P2RY14: variants seen among roughly 807,000 people sequenced by gnomAD.
P2RY14 encodes P2Y purinoceptor 14.
A neutral mutation model predicts 0.9 loss-of-function variants in P2RY14; 2 were observed. That is an observed-to-expected ratio of 2.16 (90% CI 0.88 to 6.79). The LOEUF is 6.79. Ranked by LOEUF, P2RY14 falls within the 30% of genes most tolerant of loss-of-function variation. The pLI is 0.05. For missense variants in P2RY14, 378 were observed against 400.1 expected, an observed-to-expected ratio of 0.94 and a Z score of 0.47; for synonymous variants, 158 against 147.2, an observed-to-expected ratio of 1.07 and a Z score of -0.53.
intron 1 of P2RY14, among the ~76,000 whole-genome samples, chr3:151,236,508 G>A (rs1732840824): frequency 6.6e-6 from 1 of 152,150 alleles, no homozygotes; most frequent in Non-Finnish European, 1.5e-5. Flanking sequence ...CAAAACGAAA[G>A]CCAAGACCTT....
In P2RY14 at chr3:151,227,567, T is replaced by C. The variant is rs1730788978; in HGVS notation, c.-132-7925A>G. ...ATTGGCATGTCTAAGAACTCCAGCCTGTCTTCACTTTGTGATTATGCAAAT... is the reference window on the plus strand; with the variant it reads ...ATTGGCATGTCTAAGAACTCCAGCCCGTCTTCACTTTGTGATTATGCAAAT... On this transcript the variant is annotated intron_variant, in intron 1 of 2. Transcript: ENST00000309170. Among the ~76,000 whole-genome samples, 3 of 152,242 alleles carry C rather than the reference T, an allele frequency of 2.0e-5. No individual in the cohort carries two copies. The South Asian group carries it at 6.2e-4, about 32-fold the overall frequency.
intron 1 of P2RY14, among the ~76,000 whole-genome samples, chr3:151,239,809 C>T (rs2149372704): frequency 6.6e-6 from 1 of 152,134 alleles, no homozygotes; most frequent in African/African-American, 2.4e-5. Flanking sequence ...AGCTCTTAAG[C>T]TATTAAATAT....
intron 1 of P2RY14, among the ~76,000 whole-genome samples, chr3:151,270,784 T>G (rs906898220): frequency 6.6e-6 from 1 of 152,136 alleles, no homozygotes; most frequent in Non-Finnish European, 1.5e-5. Flanking sequence ...ATGACACATT[T>G]AAAATAAGTT....
chr3:151,213,418 T>A lies in P2RY14; in HGVS notation c.899A>T (p.Gln300Leu). ...LDPIIYFFLC[Q>L]PFREILCKKL... ...CTTACATAAGATTTCCCTAAACGGC[T>A]GGCATAGAAAGAAATAAATAATAGG... The change falls in exon 3 of 3, where the codon CAG (glutamine) becomes CTG (leucine). Residue 300 changes from glutamine to leucine, a missense_variant. Transcript: ENST00000309170. 6.2e-7 allele frequency: 1 copy of A among 1,614,156 alleles called. No homozygotes were observed. Among genetic ancestry groups the A allele is most frequent in the Non-Finnish European group, 8.5e-7 (1 of 1,179,986 alleles).
At chr3:151,225,991 G>T (rs1730418077) in intron 1 of P2RY14, among the ~76,000 whole-genome samples, 1 of 152,050 alleles carries the variant, frequency 6.6e-6, no homozygotes, top group Non-Finnish European at 1.5e-5. Context: ...AAGGCCTTTT[G>T]TTCATTTGCT....
rs141102863 is a variant in P2RY14 at position 151,214,379 on chromosome 3, A to G, written c.-24-39T>C. On this transcript the variant is annotated intron_variant, in intron 2 of 2. Coordinates refer to ENST00000309170, the MANE Select transcript of P2RY14 (RefSeq NM_014879.4). ...TGAACTGGTCACTCATAGGGCACTT[A>G]TGGCCTCCAAGACATTTGCTGAGTA... is the stretch of plus-strand genomic sequence containing the variant. The G allele has an allele frequency of 8.8e-5, 120 of 1,364,658 alleles. No homozygotes were observed. In the East Asian group the frequency reaches 2.7e-3, roughly 31 times the overall value. 84.5% of individuals were successfully genotyped at this position (1,364,658 alleles called of 1,614,324 possible). A position where few individuals can be genotyped will look rare whatever the true frequency, so the allele number is the denominator to read the frequency against.
intron 1 of P2RY14, among the ~76,000 whole-genome samples, chr3:151,246,957 A>G (rs941552134): frequency 5.3e-5 from 8 of 152,236 alleles, no homozygotes; most frequent in African/African-American, 1.9e-4. Flanking sequence ...AAAGTGGGCA[A>G]AGGACACGAA....
rs76047269 is a variant in P2RY14 at position 151,250,225 on chromosome 3, A to G, written c.-133+28062T>C. Among the ~76,000 whole-genome samples the G allele has an allele frequency of 7.0e-3, 1,070 of 152,136 alleles. 3 individuals carry two copies. Among genetic ancestry groups the G allele is most frequent in the South Asian group, 0.02 (96 of 4,832 alleles). On this transcript the variant is annotated intron_variant, in intron 1 of 2. Coordinates refer to ENST00000309170, the MANE Select transcript of P2RY14 (RefSeq NM_014879.4). ...TCCTCATTGCACATTCCTCAATCCA[A>G]TTGACATTTTGAAAGATTTTTTTTG...
intron 1 of P2RY14, among the ~76,000 whole-genome samples, chr3:151,233,500 G>A (rs928045135): frequency 1.3e-5 from 2 of 152,216 alleles, no homozygotes; most frequent in Admixed American, 6.5e-5. Flanking sequence ...TTGGGAGGCC[G>A]AGGCTGGCGG....
chr3:151,265,617 A>G (rs1260141813), intron 1 of P2RY14, among the ~76,000 whole-genome samples: 2 of 152,170 alleles, frequency 1.3e-5, no homozygotes, highest in African/African-American at 2.4e-5. Flanking sequence ...CAGGCTCATC[A>G]TAAGAATATT....
At chr3:151,276,921 G>A (rs1741963240) in intron 1 of P2RY14, among the ~76,000 whole-genome samples, 1 of 152,090 alleles carries the variant, frequency 6.6e-6, no homozygotes, top group Non-Finnish European at 1.5e-5. Flanking sequence ...TTTTGAGACA[G>A]GGTCTCACTC....
intron 1 of P2RY14, among the ~76,000 whole-genome samples, chr3:151,264,474 C>G (rs1188868924): frequency 6.6e-6 from 1 of 152,200 alleles, no homozygotes; most frequent in Admixed American, 6.5e-5. Context: ...AAATTCAAAC[C>G]TGAGCTTATT....
At chr3:151,241,044 G>T (rs139131480) in intron 1 of P2RY14, among the ~76,000 whole-genome samples, 28 of 152,000 alleles carry the variant, frequency 1.8e-4, no homozygotes, top group Non-Finnish European at 2.1e-4. Flanking sequence ...CTGTGTAAAG[G>T]CTTTAAAAAC....
intron 1 of P2RY14, among the ~76,000 whole-genome samples, chr3:151,250,111 G>A (rs1208337541): frequency 6.6e-6 from 1 of 152,104 alleles, no homozygotes; most frequent in South Asian, 2.1e-4. Context: ...GAAATGGTCT[G>A]CGTTTGCTGT....
At chr3:151,230,149 C>T (rs7620767) in intron 1 of P2RY14, among the ~76,000 whole-genome samples, 41,702 of 151,862 alleles carry the variant, frequency 0.27, 6,023 homozygotes, top group South Asian at 0.32. Context: ...TTTGTTTTTG[C>T]ATTTTTAGTA....
intron 1 of P2RY14, among the ~76,000 whole-genome samples, chr3:151,235,226 G>T (rs1732488817): frequency 6.6e-6 from 1 of 152,306 alleles, no homozygotes; most frequent in Admixed American, 6.5e-5. Context: ...CTCTGAGCAG[G>T]TGCATGTTTT....
At chr3:151,264,937 GCTC>G (rs35497531) in intron 1 of P2RY14, among the ~76,000 whole-genome samples, 10,983 of 152,090 alleles carry the variant, frequency 0.072, 1,322 homozygotes, top group African/African-American at 0.25. Flanking sequence ...TCTTGCTCTT[GCTC>G]CTCCACTTCA....
intron 1 of P2RY14, among the ~76,000 whole-genome samples, chr3:151,270,324 A>T (rs917466904): frequency 6.6e-6 from 1 of 151,332 alleles, no homozygotes. Flanking sequence ...GGGGAAAATA[A>T]CTTGAGCAGA....
chr3:151,214,725 A>G (rs1220368888), intron 2 of P2RY14, among the ~76,000 whole-genome samples: 1 of 152,154 alleles, frequency 6.6e-6, no homozygotes, highest in Non-Finnish European at 1.5e-5. Context: ...CTTCTAGGTA[A>G]TACGGAGACC....
Sources: allele counts gnomAD v4.1 joint callset (sites outside exome capture counted in the v4.1 genomes callset), GRCh38; gene constraint gnomAD v4.1.1; transcripts MANE v1.5; gene names NCBI Gene and HGNC (gene_info 2026-07-23, HGNC 2026-07-21).